Variants in CYP7B1 observed in about 807,000 individuals in gnomAD.
CYP7B1 encodes cytochrome P450 family 7 subfamily B member 1.
In CYP7B1, 29 loss-of-function variants were observed where a neutral mutation model predicts 42.7. The observed-to-expected ratio is 0.68, with a 90% CI of 0.51 to 0.93. The LOEUF is 0.93. Ranked by LOEUF, CYP7B1 falls within the 40% of genes least tolerant of loss-of-function variation. The pLI is 0.00. For synonymous variants in CYP7B1, 235 were observed against 218.2 expected, an observed-to-expected ratio of 1.08 and a Z score of -0.68; for missense variants, 655 against 600.5, an observed-to-expected ratio of 1.09 and a Z score of -0.95.
At chr8:64,669,375 C>T (rs955278192) in intron 1 of CYP7B1, among the ~76,000 whole-genome samples, 3 of 151,834 alleles carry the variant, frequency 2.0e-5, no homozygotes, top group African/African-American at 4.8e-5. Flanking sequence ...CATGTATGTA[C>T]AAAATAAATG....
rs532922184 is a variant in CYP7B1 at position 64,771,156 on chromosome 8, G to A, written c.122+27310C>T. 2.1e-5 allele frequency among the ~76,000 whole-genome samples: 3 copies of A among 140,812 alleles called. No homozygotes were observed. In the Admixed American group the frequency reaches 2.4e-4, roughly 11 times the overall value. The allele number at this position is 140,812 out of a possible 152,430, so 92.4% of individuals were successfully genotyped here. A position where few individuals can be genotyped will look rare whatever the true frequency, so the allele number is the denominator to read the frequency against. On this transcript the variant is annotated intron_variant, in intron 1 of 5. Transcript: ENST00000310193. ...GCTCACTGCAACCTCCGCCTCCTGG[G>A]TTCAAGTGATTCTCCTGCCTCAGCC...
intron 1 of CYP7B1, among the ~76,000 whole-genome samples, chr8:64,768,692 T>C (rs1452098477): frequency 1.3e-5 from 2 of 152,242 alleles, no homozygotes; most frequent in Admixed American, 1.3e-4. Flanking sequence ...AATTTACTTA[T>C]GTGACCCATA....
chr8:64,767,785 C>T (rs1804123965), intron 1 of CYP7B1, among the ~76,000 whole-genome samples: 1 of 152,202 alleles, frequency 6.6e-6, no homozygotes, highest in Admixed American at 6.5e-5. Context: ...CTTCCAGAAT[C>T]AAAGCTGTAA....
At chr8:64,619,056 T>C (rs1805490813) in intron 2 of CYP7B1, among the ~76,000 whole-genome samples, 1 of 152,182 alleles carries the variant, frequency 6.6e-6, no homozygotes. Flanking sequence ...AGATGTTAGC[T>C]GGCTTTCCAA....
At chr8:64,788,028 C>T (rs1427553899) in intron 1 of CYP7B1, among the ~76,000 whole-genome samples, 1 of 152,180 alleles carries the variant, frequency 6.6e-6, no homozygotes, top group Admixed American at 6.5e-5. Context: ...AATCACTTCC[C>T]ACTGGGTTCT....
chr8:64,661,100 G>A (rs112241873), intron 1 of CYP7B1, among the ~76,000 whole-genome samples: 10 of 152,286 alleles, frequency 6.6e-5, no homozygotes, highest in African/African-American at 2.4e-4. Flanking sequence ...TTAAAAGAGA[G>A]CAAATCATGG....
rs189394557 is a variant in CYP7B1 at position 64,640,707 on chromosome 8, T to C, written c.123-16168A>G. On this transcript the variant is annotated intron_variant, in intron 1 of 5. Transcript: ENST00000310193. ...ATGTAAAATAACTTGCCCAAAGTCA[T>C]ACAGCATCAAATAAGCAAAAAATAT... is the stretch of plus-strand genomic sequence containing the variant. Among the ~76,000 whole-genome samples, 468 of 152,200 alleles carry C rather than the reference T, an allele frequency of 3.1e-3. 4 individuals are homozygous for C. The highest frequency in any genetic ancestry group is 9.1e-3 in the African/African-American group (380 of 41,552).
At chr8:64,625,803 T>C (rs922979081) in intron 1 of CYP7B1, among the ~76,000 whole-genome samples, 3 of 152,194 alleles carry the variant, frequency 2.0e-5, no homozygotes, top group African/African-American at 7.2e-5. Context: ...AACTCATGTA[T>C]AGGCATTTAG....
At chr8:64,630,277 G>T (rs534725721) in intron 1 of CYP7B1, among the ~76,000 whole-genome samples, 1 of 152,296 alleles carries the variant, frequency 6.6e-6, no homozygotes, top group East Asian at 1.9e-4. Flanking sequence ...AGAAATCAGG[G>T]CTCAAGAGAA....
intron 4 of CYP7B1, among the ~76,000 whole-genome samples, chr8:64,610,670 C>G (rs565698503): frequency 6.6e-6 from 1 of 151,926 alleles, no homozygotes; most frequent in Admixed American, 6.6e-5. Flanking sequence ...TAAAAAAATA[C>G]CCACAAGATT....
chr8:64,649,945 T>C (rs1025656405), intron 1 of CYP7B1, among the ~76,000 whole-genome samples: 1 of 152,240 alleles, frequency 6.6e-6, no homozygotes, highest in African/African-American at 2.4e-5. Context: ...GAAGCTTTTA[T>C]ATCCTAGATA....
intron 1 of CYP7B1, among the ~76,000 whole-genome samples, chr8:64,794,167 G>A (rs1348732552): frequency 2.0e-5 from 3 of 152,174 alleles, no homozygotes. Context: ...GGCTACTGAA[G>A]TGGCTGGCAA....
chr8:64,647,030 G>A (rs996502533), intron 1 of CYP7B1, among the ~76,000 whole-genome samples: 1 of 152,176 alleles, frequency 6.6e-6, no homozygotes, highest in African/African-American at 2.4e-5. Context: ...TTAATTTAAA[G>A]TGAGAGAAGT....
intron 1 of CYP7B1, among the ~76,000 whole-genome samples, chr8:64,680,867 G>C (rs1393290331): frequency 6.6e-6 from 1 of 152,156 alleles, no homozygotes; most frequent in Non-Finnish European, 1.5e-5. Context: ...TCTGGGCCCA[G>C]TGAGCTCATG....
intron 1 of CYP7B1, chr8:64,734,420 C>A (rs1807456547): frequency 6.6e-6 from 1 of 152,128 alleles, no homozygotes; most frequent in Admixed American, 6.5e-5. Flanking sequence ...TAAAAGGCAC[C>A]TTGAATATTG....
At chr8:64,686,305 C>G (rs1276059606) in intron 1 of CYP7B1, among the ~76,000 whole-genome samples, 1 of 46,556 alleles carries the variant, frequency 2.1e-5, no homozygotes, top group East Asian at 3.9e-4. Context: ...ACCCGGCCAG[C>G]CGCCCCGTCC....
chr8:64,617,893 A>G (rs949448983), intron 2 of CYP7B1, among the ~76,000 whole-genome samples: 1 of 151,368 alleles, frequency 6.6e-6, no homozygotes, highest in Non-Finnish European at 1.5e-5. Context: ...ATACATGAAT[A>G]TACATGTGCT....
At chr8:64,780,799 C>A (rs755798503) in intron 1 of CYP7B1, among the ~76,000 whole-genome samples, 1 of 151,968 alleles carries the variant, frequency 6.6e-6, no homozygotes, top group Non-Finnish European at 1.5e-5. Flanking sequence ...TTTGGGAAAT[C>A]GGTGAAGTAC....
rs560647356 is a variant in CYP7B1, at chr8:64,798,376, A to G, written c.122+90T>C. On this transcript the variant is annotated intron_variant, in intron 1 of 5. Transcript: ENST00000310193. ...CAAGTTCTGACTGTCTGCACTGGAA[A>G]TCATGGAGGGGGACTCCCCTCGCCA... 2.8e-6 allele frequency: 4 copies of G among 1,404,564 alleles called. No homozygotes were observed. The African/African-American group carries it at 6.1e-5, about 21-fold the overall frequency. The allele number at this position is 1,404,564 out of a possible 1,614,324, so 87.0% of individuals were successfully genotyped here.
Sources: gnomAD v4.1 joint callset for allele counts (sites outside exome capture counted in the v4.1 genomes callset) on GRCh38, gnomAD v4.1.1 for gene constraint, MANE v1.5 for transcripts, NCBI Gene and HGNC (gene_info 2026-07-23, HGNC 2026-07-21) for gene names.